The following EFHC2 variants were observed in gnomAD, a reference collection of about 807,000 sequenced individuals.
EFHC2 encodes the protein EF-hand domain-containing family member C2.
EFHC2 carries 18 observed loss-of-function variants against 52.7 expected under a neutral mutation model. The observed-to-expected ratio is 0.34, with a 90% CI of 0.24 to 0.51. EFHC2 has a LOEUF of 0.51. Among genes scored for constraint, EFHC2 ranks in the 20% least tolerant of loss-of-function variants. The pLI is 0.97. For missense variants in EFHC2, 513 were observed against 562.5 expected, an observed-to-expected ratio of 0.91 and a Z score of 0.89; for synonymous variants, 203 against 204.1, an observed-to-expected ratio of 0.99 and a Z score of 0.04.
At chrX:44,264,821 G>A (rs2037564894) in intron 3 of EFHC2, among the ~76,000 whole-genome samples, 2 of 112,169 alleles carry the variant, frequency 1.8e-5, no homozygotes, top group African/African-American at 6.5e-5. Flanking sequence ...GCAGGAATTT[G>A]TTTTGGGATA....
chrX:44,219,091 A>G (rs1414157595), intron 11 of EFHC2, among the ~76,000 whole-genome samples: 1 of 107,241 alleles, frequency 9.3e-6, no homozygotes, highest in Non-Finnish European at 1.9e-5. Flanking sequence ...AAGAGTACAC[A>G]CTGTATAATT....
Position 44,195,782 on chromosome X carries a change from A to G in EFHC2, c.1752-17218T>C, listed in dbSNP as rs6609284. Among the ~76,000 whole-genome samples, 533 of 101,280 alleles carry G rather than the reference A, an allele frequency of 5.3e-3. 16 individuals carry two copies. In the East Asian group the frequency reaches 0.12, roughly 23 times the overall value. 87.9% of individuals were successfully genotyped at this position (101,280 alleles called of 115,157 possible). ...GGGCACGCTACTGAGACCACCACTCACCTACCAGAGAGTCCTTTCTGTGAG... is the reference window on the plus strand; with the variant it reads ...GGGCACGCTACTGAGACCACCACTCGCCTACCAGAGAGTCCTTTCTGTGAG... On this transcript the variant is annotated intron_variant, in intron 11 of 14. Transcript: ENST00000420999.
rs1569306545 is a variant in EFHC2, at chrX:44,312,701, A to G, written c.98T>C (p.Met33Thr). ...AGGCTTTTCATCACTCACCAACATC[A>G]TAACATTGTTGCAAAAGCCCCAATG... Reference protein sequence around the residue: ...SQHWGFCNNVMMLVSDEKPGI... With the variant: ...SQHWGFCNNVTMLVSDEKPGI... The change falls in exon 2 of 15, where the codon ATG (methionine) becomes ACG (threonine). Residue 33 changes from methionine to threonine, a missense_variant. Coordinates refer to ENST00000420999, the MANE Select transcript of EFHC2 (RefSeq NM_025184.4). 8.3e-7 allele frequency: 1 copy of G among 1,208,282 alleles called. No individual in the cohort carries two copies. The highest frequency in any genetic ancestry group is 1.1e-6 in the Non-Finnish European group (1 of 894,139).
intron 11 of EFHC2, among the ~76,000 whole-genome samples, chrX:44,197,864 A>T (rs2036977395): frequency 8.9e-6 from 1 of 112,161 alleles, no homozygotes; most frequent in Non-Finnish European, 1.9e-5. Context: ...CCTAATTTTT[A>T]CATCACAATT....
chrX:44,336,035 A>C (rs2038115081), intron 1 of EFHC2, among the ~76,000 whole-genome samples: 2 of 112,784 alleles, frequency 1.8e-5, no homozygotes, highest in Admixed American at 9.4e-5. Flanking sequence ...GATGGCAAAT[A>C]AGCACATAAA....
chrX:44,319,243 T>C (rs1456981751), intron 1 of EFHC2, among the ~76,000 whole-genome samples: 1 of 110,402 alleles, frequency 9.1e-6, no homozygotes, highest in Non-Finnish European at 1.9e-5. Flanking sequence ...GCTCAAGTAA[T>C]CCGCCTGCCT....
chrX:44,297,981 A>T (rs1183081272), intron 2 of EFHC2, among the ~76,000 whole-genome samples: 2 of 108,636 alleles, frequency 1.8e-5, no homozygotes, highest in African/African-American at 3.3e-5. Context: ...AAATAAAAAT[A>T]AAATTAAAAA....
chrX:44,237,473 CCAAA>C (rs778878146), intron 8 of EFHC2, among the ~76,000 whole-genome samples: 20 of 111,409 alleles, frequency 1.8e-4, no homozygotes, highest in African/African-American at 6.5e-4. Flanking sequence ...CCCGTTGTCC[CCAAA>C]CAAATTATAA....
chrX:44,310,536 C>A, intron 2 of EFHC2: 1 of 370,987 alleles, frequency 2.7e-6, no homozygotes, highest in South Asian at 5.0e-5. Context: ...ATGGGGTGCA[C>A]TGAAAATGTC....
chrX:44,307,933 CAAA>C (rs11305511), intron 2 of EFHC2, among the ~76,000 whole-genome samples: 3 of 92,668 alleles, frequency 3.2e-5, no homozygotes, highest in Admixed American at 2.4e-4. Context: ...GACTTTGTCT[CAAA>C]AAAAAAAAAA....
rs752461419 is a variant in EFHC2, at chrX:44,326,980, C to T, written c.43-14224G>A. Among the ~76,000 whole-genome samples the T allele has an allele frequency of 2.2e-4, 24 of 110,289 alleles. 1 individual carries two copies. The South Asian group carries it at 8.5e-3, about 39-fold the overall frequency. On this transcript the variant is annotated intron_variant, in intron 1 of 14. Coordinates refer to ENST00000420999, the MANE Select transcript of EFHC2 (RefSeq NM_025184.4). ...CTGGGCTCAAGCGATCTGCCCACCT[C>T]GGCCTCCCAAAGTGCTAGGATTACA... is the stretch of plus-strand genomic sequence containing the variant.
chrX:44,307,793 G>A (rs988351495), intron 2 of EFHC2, among the ~76,000 whole-genome samples: 3 of 110,901 alleles, frequency 2.7e-5, no homozygotes, highest in Non-Finnish European at 5.7e-5. Flanking sequence ...AATTAGCCAG[G>A]TGTGGTGGCA....
At chrX:44,211,419 T>C (rs1204810856) in intron 11 of EFHC2, among the ~76,000 whole-genome samples, 3 of 110,883 alleles carry the variant, frequency 2.7e-5, no homozygotes, top group Non-Finnish European at 5.7e-5. Flanking sequence ...TTCCATCTAC[T>C]TGGGAGGCTG....
intron 1 of EFHC2, among the ~76,000 whole-genome samples, chrX:44,323,868 C>T (rs773560220): frequency 3.6e-5 from 4 of 111,267 alleles, no homozygotes; most frequent in South Asian, 3.8e-4. Context: ...ACCTACCTGA[C>T]TCCATCCTGC....
chrX:44,203,329 G>A (rs765977084), intron 11 of EFHC2, among the ~76,000 whole-genome samples: 1 of 109,987 alleles, frequency 9.1e-6, no homozygotes, highest in Non-Finnish European at 1.9e-5. Flanking sequence ...AAACAGAATG[G>A]CAGTGCCCTA....
intron 11 of EFHC2, among the ~76,000 whole-genome samples, chrX:44,195,890 T>C (rs2036961798): frequency 9.0e-6 from 1 of 111,214 alleles, no homozygotes; most frequent in South Asian, 3.8e-4. Context: ...CTTTATGTTT[T>C]TTGTGTTTTG....
chrX:44,208,838 T>C (rs777720891), intron 11 of EFHC2, among the ~76,000 whole-genome samples: 1 of 111,921 alleles, frequency 8.9e-6, no homozygotes, highest in East Asian at 2.8e-4. Context: ...ATCATGATGC[T>C]ATAGTAATAA....
rs764112165 is a variant in EFHC2, at chrX:44,232,541, T to C, written c.1560A>G (p.Leu520=). 16 of 1,183,492 alleles carry C rather than the reference T, an allele frequency of 1.4e-5. No homozygotes were observed. The highest frequency in any genetic ancestry group is 1.8e-5 in the Non-Finnish European group (16 of 881,233). The change falls in exon 10 of 15, where the codon CTA becomes CTG. Residue 520 remains leucine (L), a synonymous_variant. Transcript: ENST00000420999. ...IGVTVNVNGY[L]FRLLNADEYT... is the part of the protein sequence containing the mutation. Reference sequence around the variant, plus strand: ...ACTCATCAGCATTGAGCAAACGAAATAGGTAACCATTCACATTCACCGTGA... The same window carrying C: ...ACTCATCAGCATTGAGCAAACGAAACAGGTAACCATTCACATTCACCGTGA...
Position 44,211,983 on chromosome X carries a change from C to T in EFHC2, c.1751+17666G>A, listed in dbSNP as rs975770551. Among the ~76,000 whole-genome samples the T allele has an allele frequency of 2.3e-4, 25 of 108,934 alleles. No homozygotes were observed. The Admixed American group carries it at 2.4e-3, about 10-fold the overall frequency. The allele number at this position is 108,934 out of a possible 115,157, so 94.6% of individuals were successfully genotyped here. On this transcript the variant is annotated intron_variant, in intron 11 of 14. Coordinates refer to ENST00000420999, the MANE Select transcript of EFHC2 (RefSeq NM_025184.4). ...CCAAAATTAGACAGACAAGCAGGAA[C>T]ATACAGAGAATCACAATTTACTGGA...
Sources: allele counts gnomAD v4.1 joint callset (sites outside exome capture counted in the v4.1 genomes callset), GRCh38; gene constraint gnomAD v4.1.1; transcripts MANE v1.5; gene names NCBI Gene and HGNC (gene_info 2026-07-23, HGNC 2026-07-21).